Variants in STAU1 observed in about 807,000 individuals in gnomAD.
STAU1 encodes double-stranded RNA-binding protein Staufen homolog 1.
STAU1 carries 13 observed loss-of-function variants against 62.9 expected under a neutral mutation model. That is an observed-to-expected ratio of 0.21 (90% CI 0.13 to 0.33). STAU1 has a LOEUF of 0.33. Ranked by LOEUF, STAU1 falls within the 10% of genes least tolerant of loss-of-function variation. The pLI is 1.00. For missense variants in STAU1, 571 were observed against 712.1 expected (o/e 0.80, Z 2.25); for synonymous variants, 269 against 265.1 (o/e 1.01, Z -0.14).
intron 2 of STAU1, among the ~76,000 whole-genome samples, chr20:49,169,053 C>A (rs892325479): frequency 4.6e-5 from 7 of 151,342 alleles, no homozygotes; most frequent in Non-Finnish European, 8.8e-5. Flanking sequence ...TGGGTTCAAG[C>A]GATTTTCCTG....
the STAU1 span, among the ~76,000 whole-genome samples, chr20:49,194,483 G>C: frequency 6.6e-6 from 1 of 151,678 alleles, no homozygotes; most frequent in African/African-American, 2.4e-5. Context: ...AACTGGCCAG[G>C]CATGGTCACC....
At position 49,114,671 on chromosome 20, in the gene STAU1, T is replaced by G; in HGVS notation, c.*207A>C. ...GCGTAGGGACCGCCAGGTCACCGAG[T>G]GGCCATCACAACAAACCCCAGCACA... On this transcript the variant is annotated 3_prime_UTR_variant, in exon 14 of 14. Transcript: ENST00000371856. 1.9e-6 allele frequency: 1 copy of G among 530,528 alleles called. No individual in the cohort carries two copies. 32.9% of individuals were successfully genotyped at this position (530,528 alleles called of 1,614,324 possible).
At chr20:49,149,282 A>ACACACC (rs2093195634) in intron 5 of STAU1, among the ~76,000 whole-genome samples, 1 of 150,668 alleles carries the variant, frequency 6.6e-6, no homozygotes, top group Non-Finnish European at 1.5e-5. Context: ...ACACACACAC[A>ACACACC]CACACACACC....
chr20:49,189,932 C>T (rs923370195), upstream of STAU1, among the ~76,000 whole-genome samples: 8 of 152,204 alleles, frequency 5.3e-5, no homozygotes, highest in Non-Finnish European at 1.2e-4. Flanking sequence ...TGGGAGGACA[C>T]TTGCCTCCTT....
intron 3 of STAU1, among the ~76,000 whole-genome samples, chr20:49,158,086 C>T (rs1190430392): frequency 3.3e-5 from 5 of 150,274 alleles, no homozygotes; most frequent in South Asian, 2.1e-4. Context: ...GTTCAAGACC[C>T]GCCTGGCCAA....
chr20:49,142,135 G>A (rs569669032), intron 5 of STAU1, among the ~76,000 whole-genome samples: 1 of 152,250 alleles, frequency 6.6e-6, no homozygotes, highest in East Asian at 1.9e-4. Flanking sequence ...TGCCCAGACT[G>A]GAGTGCAGTG....
In STAU1 at chr20:49,114,958, A is replaced by G. The variant is rs536402251; in HGVS notation, c.1719-65T>C. On this transcript the variant is annotated intron_variant, in intron 13 of 13. Transcript: ENST00000371856. ...TGTAAGAGAATTAAAGTACTGTTAAAAATGAAAAGAAATTGGCAAACATCA... is the reference window on the plus strand; with the variant it reads ...TGTAAGAGAATTAAAGTACTGTTAAGAATGAAAAGAAATTGGCAAACATCA... The G allele has an allele frequency of 4.0e-5, 61 of 1,523,536 alleles. No individual in the cohort carries two copies. The South Asian group carries it at 6.9e-4, about 17-fold the overall frequency. The allele number at this position is 1,523,536 out of a possible 1,614,324, so 94.4% of individuals were successfully genotyped here.
At chr20:49,185,954 G>C (rs371971753) in intron 1 of STAU1, among the ~76,000 whole-genome samples, 38 of 151,938 alleles carry the variant, frequency 2.5e-4, no homozygotes, top group African/African-American at 8.7e-4. Context: ...CGATTCTCCT[G>C]TCTCAGCCTC....
intron 1 of STAU1, among the ~76,000 whole-genome samples, chr20:49,180,892 G>C (rs928619734): frequency 2.6e-5 from 4 of 152,076 alleles, no homozygotes; most frequent in Admixed American, 1.3e-4. Context: ...GGAGAGTCAG[G>C]GGAGGGCCAC....
Position 49,117,689 on chromosome 20 carries a change from A to C in STAU1, c.1509+88T>G, listed in dbSNP as rs2092360731. 10 of 1,386,838 alleles carry C rather than the reference A, an allele frequency of 7.2e-6. No homozygotes were observed. In the African/African-American group the frequency reaches 1.2e-4, roughly 16 times the overall value. 85.9% of individuals were successfully genotyped at this position (1,386,838 alleles called of 1,614,324 possible). Reference sequence around the variant, plus strand: ...TGGACAGAACTTGATTTAAGAAAAAAGTACAAAGTTCAAAGTTCATTTTCT... The same window carrying C: ...TGGACAGAACTTGATTTAAGAAAAACGTACAAAGTTCAAAGTTCATTTTCT... On this transcript the variant is annotated intron_variant, in intron 11 of 13. Coordinates refer to ENST00000371856, the MANE Select transcript of STAU1 (RefSeq NM_017453.4). This position sits in a 1 kb window ranked among gnomAD's most constrained non-coding sequence, Gnocchi z 4.6.
intron 6 of STAU1, among the ~76,000 whole-genome samples, chr20:49,133,900 T>C (rs1318821144): frequency 6.6e-6 from 1 of 152,176 alleles, no homozygotes; most frequent in Non-Finnish European, 1.5e-5. Context: ...TGAGAAATCA[T>C]CATCACTCGG....
chr20:49,167,609 T>C (rs1318668948), intron 2 of STAU1, among the ~76,000 whole-genome samples: 1 of 152,208 alleles, frequency 6.6e-6, no homozygotes, highest in Non-Finnish European at 1.5e-5. Context: ...CCATTGAAGA[T>C]CTACATAATG....
At chr20:49,126,473 C>T (rs1032174767) in intron 6 of STAU1, among the ~76,000 whole-genome samples, 1 of 147,944 alleles carries the variant, frequency 6.8e-6, no homozygotes, top group Non-Finnish European at 1.5e-5. Flanking sequence ...GAGGCTAAAA[C>T]AGGAGGATCA....
rs1023733858 is a variant in STAU1, at chr20:49,114,739, T to A, written c.*139A>T. The A allele has an allele frequency of 1.2e-6, 1 of 812,942 alleles. No homozygotes were observed. Among genetic ancestry groups the A allele is most frequent in the Admixed American group, 2.3e-5 (1 of 42,558 alleles). 50.4% of individuals were successfully genotyped at this position (812,942 alleles called of 1,614,324 possible). ...CCGCCTCCTTGTGTTTCTGTTGTCT[T>A]CCCTGCTGCTGCCCACATCCTTTAC... On this transcript the variant is annotated 3_prime_UTR_variant, in exon 14 of 14. Transcript: ENST00000371856.
chr20:49,195,535 CAA>C, the STAU1 span, among the ~76,000 whole-genome samples: 4 of 38,148 alleles, frequency 1.0e-4, no homozygotes, highest in African/African-American at 6.6e-4. Context: ...GACTCCGTCT[CAA>C]AAAAAAAAAA....
rs535340085 is a variant in STAU1 at position 49,150,607 on chromosome 20, C to G, written c.510+975G>C. Among the ~76,000 whole-genome samples, 6 of 152,244 alleles carry G rather than the reference C, an allele frequency of 3.9e-5. No individual in the cohort carries two copies. The East Asian group carries it at 1.2e-3, about 29-fold the overall frequency. ...CAATCTCCTGACCTCATGATCCACC[C>G]GCCTTGGCCTCCCAAAGTGCTGGGA... On this transcript the variant is annotated intron_variant, in intron 5 of 13. Transcript: ENST00000371856.
At chr20:49,201,512 C>T in the STAU1 span, among the ~76,000 whole-genome samples, 3 of 151,814 alleles carry the variant, frequency 2.0e-5, no homozygotes, top group Admixed American at 6.6e-5. Flanking sequence ...GGGGCTGAGG[C>T]GGGAGGATCA....
rs1461534139 is a variant in STAU1 at position 49,115,665 on chromosome 20, G to C, written c.1718+117C>G. 3 of 912,020 alleles carry C rather than the reference G, an allele frequency of 3.3e-6. No individual in the cohort carries two copies. The East Asian group carries it at 7.3e-5, about 22-fold the overall frequency. 56.5% of individuals were successfully genotyped at this position (912,020 alleles called of 1,614,324 possible). A position where few individuals can be genotyped will look rare whatever the true frequency, so the allele number is the denominator to read the frequency against. The stretch of plus-strand genomic sequence containing the variant: ...ATCTGGAAAACTTTCAGGCAAAAGG[G>C]CCAGAAAGTAACTCAGGCAAATATT... On this transcript the variant is annotated intron_variant, in intron 13 of 13. Transcript: ENST00000371856.
chr20:49,217,609 G>A, the STAU1 span, among the ~76,000 whole-genome samples: 1 of 150,734 alleles, frequency 6.6e-6, no homozygotes, highest in East Asian at 2.0e-4. Flanking sequence ...ACAGTAAGGA[G>A]CAGAAGCAGG....
Sources: gnomAD v4.1 joint callset for allele counts (sites outside exome capture counted in the v4.1 genomes callset) on GRCh38, gnomAD v4.1.1 for gene constraint, Gnocchi (gnomAD v3.1) non-coding constraint, MANE v1.5 for transcripts, NCBI Gene and HGNC (gene_info 2026-07-23, HGNC 2026-07-21) for gene names.